Variants in IPO4 observed in about 807,000 individuals in gnomAD.
IPO4 encodes the protein importin-4.
Under a neutral mutation model 133.5 loss-of-function variants are expected in IPO4, and 91 were observed. The ratio of observed to expected loss-of-function variants is 0.68; its 90% CI spans 0.58 to 0.81. IPO4 has a LOEUF of 0.81. Ranked by LOEUF, IPO4 falls within the 30% of genes least tolerant of loss-of-function variation. The probability of loss-of-function intolerance (pLI) is 0.00; values close to 1 mark genes in which losing one functional copy is unlikely to be tolerated. For missense variants in IPO4, 1,279 were observed against 1,386.2 expected, an observed-to-expected ratio of 0.92 and a Z score of 1.23; for synonymous variants, 607 against 581.6, an observed-to-expected ratio of 1.04 and a Z score of -0.63.
At chr14:24,181,909 C>T in intron 26 of IPO4, 46 bp downstream of exon 26, 3 of 1,607,048 alleles carry the variant, frequency 1.9e-6, no homozygotes, top group Non-Finnish European at 2.5e-6. Context: ...GCCCTGGGGA[C>T]ACTCCCCCAA....
At position 24,188,211 on chromosome 14, in the gene IPO4, C is replaced by T. The variant is rs755053493; in HGVS notation, c.278+5G>A. 2 of 1,612,994 alleles carry T rather than the reference C, an allele frequency of 1.2e-6. No homozygotes were observed. The highest frequency in any genetic ancestry group is 1.7e-6 in the Non-Finnish European group (2 of 1,179,474). On this transcript the variant is annotated splice_donor_5th_base_variant and intron_variant, in intron 4 of 29. Coordinates refer to ENST00000354464, the MANE Select transcript of IPO4 (RefSeq NM_024658.4). ...AGATCCCGAGAGAAGTGGGTAGGTA[C>T]TTACTCTGTTTCTCTCTGCAGGGCC...
rs2039224521 is a variant in IPO4, at chr14:24,186,443, C to T, written c.849G>A (p.Leu283=). The T allele has an allele frequency of 1.9e-6, 3 of 1,587,492 alleles. No individual in the cohort carries two copies. Among genetic ancestry groups the T allele is most frequent in the Admixed American group, 1.7e-5 (1 of 57,402 alleles). Residue 283 remains leucine (L), a synonymous_variant, in exon 10 of 30, where the codon CTG becomes CTA. Transcript: ENST00000354464. The part of the protein sequence containing the change: ...FLVKVKSKAL[L]KNRLLPPLLH... ...GCAAGGGTGGCAGGAGACGATTCTT[C>T]AGTAAGGCCTTGACAGAGAAGGTGG...
At position 24,185,844 on chromosome 14, in the gene IPO4, G is replaced by GA; in HGVS notation, c.1169+16dup. On this transcript the variant is annotated intron_variant, in intron 12 of 29. Transcript: ENST00000354464. ...TCCCTGTGGGCAACCCTCACCCTGG[G>GA]ACAGGGGAATACATACCTCTGCCTG... 1 of 1,595,174 alleles carries GA rather than the reference G, an allele frequency of 6.3e-7. No homozygotes were observed. The highest frequency in any genetic ancestry group is 8.6e-7 in the Non-Finnish European group (1 of 1,163,518).
In IPO4 at chr14:24,188,813, G is replaced by A. The variant is rs777652772; in HGVS notation, c.-26C>T. On this transcript the variant is annotated 5_prime_UTR_variant, in exon 1 of 30. Transcript: ENST00000354464. ...GGCAGCAACTGAGCCGCCGCTACTG[G>A]GCCGAAAAGGGGAGGGGGAGGGACA... 4.5e-5 allele frequency: 66 copies of A among 1,478,128 alleles called. No individual in the cohort carries two copies. Among genetic ancestry groups the A allele is most frequent in the Non-Finnish European group, 5.5e-5 (61 of 1,111,806 alleles). 91.6% of individuals were successfully genotyped at this position (1,478,128 alleles called of 1,614,324 possible).
chr14:24,188,520 G>A (rs771285483), intron 2 of IPO4, 32 bp downstream of exon 2: 25 of 1,609,026 alleles, frequency 1.6e-5, no homozygotes, highest in Non-Finnish European at 1.9e-5. Context: ...GCGTACAGTG[G>A]GAAGCTCGGA....
At position 24,180,743 on chromosome 14, in the gene IPO4, G is replaced by A. The variant is rs751911896; in HGVS notation, c.3061C>T (p.Pro1021Ser). The A allele has an allele frequency of 6.8e-6, 11 of 1,614,006 alleles. No individual in the cohort carries two copies. The highest frequency in any genetic ancestry group is 3.3e-5 in the Admixed American group (2 of 60,016). The change falls in exon 29 of 30, where the codon CCC (proline) becomes TCC (serine). Residue 1021 changes from proline to serine, a missense_variant. By Grantham distance (74) the Pro-to-Ser change is moderately conservative. Around this residue, in one of 3 missense-constraint regions of IPO4, gnomAD observed 575 missense variants for 653.4 expected, o/e 0.88. Transcript: ENST00000354464. ...AGGCTGCAGATACGCAGAAGCTCGG[G>A]AGCCACATCTATAACCTGTGAGGAA... ...SSPDQVIDVAPELLRICSLIL... is the reference protein window; with the variant it reads ...SSPDQVIDVASELLRICSLIL...
Position 24,183,117 on chromosome 14 carries a change from G to T in IPO4, c.2280C>A (p.Asn760Lys), listed in dbSNP as rs772601715. 3.1e-6 allele frequency: 5 copies of T among 1,613,880 alleles called. No homozygotes were observed. Among genetic ancestry groups the T allele is most frequent in the Non-Finnish European group, 4.2e-6 (5 of 1,180,008 alleles). Residue 760 changes from asparagine to lysine, a missense_variant, in exon 23 of 30, where the codon AAC (asparagine) becomes AAA (lysine). Around this residue, in one of 3 missense-constraint regions of IPO4, gnomAD observed 575 missense variants for 653.4 expected, o/e 0.88. Transcript: ENST00000354464. ...TCACCACCTGGCGTTCCCGCTCCCT[G>T]TTCACTGCCTGCATGTAGGATGGCA... ...RVVPSYMQAV[N>K]RERERQVVMA... is the part of the protein sequence containing the mutation.
In IPO4 at chr14:24,184,043, G is replaced by C; in HGVS notation, c.1824C>G (p.Ile608Met). 6.2e-7 allele frequency: 1 copy of C among 1,612,730 alleles called. No individual in the cohort carries two copies. Among genetic ancestry groups the C allele is most frequent in the South Asian group, 1.1e-5 (1 of 91,010 alleles). ...GCAGTGACAGCAGCATGAGCGTGGT[G>C]ATCTGTTCCAAGTGGGGCGCCAGGC... ...GEGLAPHLEQ[I>M]TTLMLLSLRS... Residue 608 changes from isoleucine (I) to methionine (M), a missense_variant, in exon 18 of 30, where the codon ATC (isoleucine) becomes ATG (methionine). This residue lies in a region of IPO4 where 575 missense variants were observed against 653.4 expected (regional missense o/e 0.88). Transcript: ENST00000354464.
intron 15 of IPO4, 37 bp from the exon 16 acceptor site, chr14:24,184,800 GC>G (rs1485340157): frequency 6.2e-7 from 1 of 1,601,730 alleles, no homozygotes; most frequent in Non-Finnish European, 8.5e-7. Flanking sequence ...GCTGGAGAGG[GC>G]AGGGACCACC....
At chr14:24,186,624 C>G (rs1331923010) in intron 9 of IPO4, 84 bp downstream of exon 9, 2 of 1,411,208 alleles carry the variant, frequency 1.4e-6, no homozygotes, top group East Asian at 2.3e-5. Context: ...CTTTAGATAC[C>G]CTGAGATGGA....
At position 24,183,767 on chromosome 14, in the gene IPO4, G is replaced by A; in HGVS notation, c.1985+16C>T. Reference sequence around the variant, plus strand: ...CCAAAGTCTAGATTCCTGATCAGAAGAGCACCCCTCCGCACCCTGAGATCT... The same window carrying A: ...CCAAAGTCTAGATTCCTGATCAGAAAAGCACCCCTCCGCACCCTGAGATCT... On this transcript the variant is annotated intron_variant, in intron 19 of 29. Transcript: ENST00000354464. 1 of 1,614,182 alleles carries A rather than the reference G, an allele frequency of 6.2e-7. No individual in the cohort carries two copies. Among genetic ancestry groups the A allele is most frequent in the South Asian group, 1.1e-5 (1 of 91,080 alleles).
chr14:24,182,732 C>A, intron 24 of IPO4, 60 bp downstream of exon 24: 1 of 1,584,542 alleles, frequency 6.3e-7, no homozygotes, highest in South Asian at 1.1e-5. Flanking sequence ...CACTGTCCAC[C>A]CCTGTCCCTG....
In IPO4 at chr14:24,181,751, CG is replaced by C. The variant is rs759872782; in HGVS notation, c.2899del (p.Arg967AlafsTer3). Reference sequence around the variant, plus strand: ...CCTGGTGGGACTGGCCATCAACAGGCGGGCAAGTGCCCCACAGATGTTGTCA... The same window carrying C: ...CCTGGTGGGACTGGCCATCAACAGGCGGCAAGTGCCCCACAGATGTTGTCA... The part of the protein sequence containing the change: ...VRDNICGALA[R>X]LLMASPTRKP... On this transcript the variant is annotated frameshift_variant, in exon 27 of 30. Transcript: ENST00000354464. LOFTEE classifies it high-confidence loss of function. 3 of 1,601,030 alleles carry C rather than the reference CG, an allele frequency of 1.9e-6. No individual in the cohort carries two copies. The highest frequency in any genetic ancestry group is 1.3e-5 in the African/African-American group (1 of 74,742).
Position 24,186,995 on chromosome 14 carries a change from G to A in IPO4, c.655-16C>T, listed in dbSNP as rs978994342. ...AGGCCTTTGCCTGACAGACAAACAA[G>A]GCACAAGGTTACCATGCTCTTCTTC... On this transcript the variant is annotated splice_polypyrimidine_tract_variant and intron_variant, in intron 7 of 29. Transcript: ENST00000354464. 6.2e-7 allele frequency: 1 copy of A among 1,613,230 alleles called. No individual in the cohort carries two copies. Among genetic ancestry groups the A allele is most frequent in the African/African-American group, 1.3e-5 (1 of 74,986 alleles).
chr14:24,187,156 G>A lies in IPO4; in HGVS notation c.589-6C>T, dbSNP rs1323053313. On this transcript the variant is annotated splice_polypyrimidine_tract_variant and splice_region_variant and intron_variant, in intron 6 of 29. Coordinates refer to ENST00000354464, the MANE Select transcript of IPO4 (RefSeq NM_024658.4). ...ACCAACATCCGAGCGAGAGGCTGAG[G>A]GACACATCACAGAGAGCATGATGCA... The A allele has an allele frequency of 3.1e-6, 5 of 1,613,432 alleles. No individual in the cohort carries two copies. In the Admixed American group the frequency reaches 8.3e-5, roughly 27 times the overall value.
At position 24,184,284 on chromosome 14, in the gene IPO4, G is replaced by T; in HGVS notation, c.1757+14C>A. The stretch of plus-strand genomic sequence containing the variant: ...GAGGGGACAAGGGCAGAGGCAGGGT[G>T]AGGGGTCACTCACGTGCAGCGCCGC... On this transcript the variant is annotated intron_variant, in intron 17 of 29. Transcript: ENST00000354464. 6.3e-7 allele frequency: 1 copy of T among 1,579,188 alleles called. No homozygotes were observed. The highest frequency in any genetic ancestry group is 2.3e-5 in the East Asian group (1 of 43,034).
chr14:24,184,928 A>G lies in IPO4; in HGVS notation c.1461T>C (p.Leu487=). 2 of 1,614,052 alleles carry G rather than the reference A, an allele frequency of 1.2e-6. No individual in the cohort carries two copies. Among genetic ancestry groups the G allele is most frequent in the Non-Finnish European group, 1.7e-6 (2 of 1,180,000 alleles). The change falls in exon 15 of 30, where the codon CTT becomes CTC. Residue 487 remains leucine, a synonymous_variant. Transcript: ENST00000354464. ...LPELMECMLQ[L]LRNPSSPRAK... ...CCCGGGGACTGCTGGGGTTCCTCAG[A>G]AGCTGCAGCATGCATTCCATAAGCT...
At chr14:24,184,197 C>G in intron 17 of IPO4, 88 bp from the exon 18 acceptor site, 5 of 1,564,182 alleles carry the variant, frequency 3.2e-6, no homozygotes, top group Non-Finnish European at 4.3e-6. Context: ...GGCTATGGTC[C>G]AAACCAGACG....
intron 4 of IPO4, 24 bp downstream of exon 4, chr14:24,188,192 C>A (rs764551664): frequency 6.2e-7 from 1 of 1,609,624 alleles, no homozygotes. Context: ...GTCAAGATCC[C>A]GAGAGAAGTG....
Sources: allele counts gnomAD v4.1 joint callset, GRCh38; gene constraint gnomAD v4.1.1; regional missense constraint gnomAD v4.1.1; transcripts MANE v1.5; gene names NCBI Gene and HGNC (gene_info 2026-07-23, HGNC 2026-07-21).